Variants in SHROOM3 observed in about 807,000 individuals in gnomAD.
The protein encoded by SHROOM3 is shroom family member 3.
In SHROOM3, 47 loss-of-function variants were observed where a neutral mutation model predicts 138.6. That is an observed-to-expected ratio of 0.34 (90% CI 0.27 to 0.43). The LOEUF (loss-of-function observed/expected upper bound fraction) is 0.43. SHROOM3 is among the 20% of genes least tolerant of loss of function. SHROOM3 has a pLI of 1.00. For missense variants in SHROOM3, 2,491 were observed against 2,596.5 expected (o/e 0.96, Z 0.88); for synonymous variants, 1,062 against 1,063.3 (o/e 1.00, Z 0.02).
At chr4:76,540,128 G>A (rs111281703) in intron 1 of SHROOM3, among the ~76,000 whole-genome samples, 3,410 of 152,314 alleles carry the variant, frequency 0.022, 126 homozygotes, top group African/African-American at 0.076. Context: ...GATTACAGGC[G>A]TGAGCCACAG....
chr4:76,608,678 C>T (rs12512349), intron 2 of SHROOM3, among the ~76,000 whole-genome samples: 16,239 of 36,520 alleles, frequency 0.44, 2,134 homozygotes, highest in African/African-American at 0.49. Context: ...CAGCATAGCA[C>T]AGCACAGCAC....
intron 9 of SHROOM3, among the ~76,000 whole-genome samples, chr4:76,766,333 G>A (rs1041194130): frequency 6.6e-6 from 1 of 152,232 alleles, no homozygotes; most frequent in Non-Finnish European, 1.5e-5. Flanking sequence ...TGACTTGCCT[G>A]ATGCCGAATG....
chr4:76,601,076 C>A (rs1301178908), intron 2 of SHROOM3, among the ~76,000 whole-genome samples: 1 of 152,182 alleles, frequency 6.6e-6, no homozygotes, highest in Non-Finnish European at 1.5e-5. Flanking sequence ...CCATCCCATG[C>A]CTTTGAGAAG....
chr4:76,640,706 G>A (rs1349350620), intron 2 of SHROOM3, among the ~76,000 whole-genome samples: 2 of 152,174 alleles, frequency 1.3e-5, no homozygotes, highest in African/African-American at 4.8e-5. Context: ...TCTACAGATG[G>A]AGAATGGGAG....
In SHROOM3 at chr4:76,741,486, A is replaced by G; in HGVS notation, c.3313A>G (p.Ser1105Gly). 1.9e-6 allele frequency: 3 copies of G among 1,556,966 alleles called. No individual in the cohort carries two copies. The South Asian group carries it at 3.5e-5, about 18-fold the overall frequency. ...GCGGCCTACCTCCGCCGCCGGCTGC[A>G]GCCTCCAGGAGCCCGGGCCACTGCG... ...GKRPTSAAGC[S>G]LQEPGPLRER... Residue 1105 changes from serine (S) to glycine (G), a missense_variant, in exon 5 of 11, where the codon AGC (serine) becomes GGC (glycine). Transcript: ENST00000296043. The surrounding 1 kb of genome is among the most constrained non-coding windows in gnomAD (Gnocchi z 6.2).
intron 1 of SHROOM3, among the ~76,000 whole-genome samples, chr4:76,463,498 A>G (rs553188003): frequency 6.6e-6 from 1 of 152,278 alleles, no homozygotes; most frequent in East Asian, 1.9e-4. Context: ...AGAAAAACCC[A>G]TTTTCTGGGA....
rs529234857 is a variant in SHROOM3, at chr4:76,688,443, T to C, written c.324-21713T>C. The C allele has an allele frequency of 3.5e-5, 34 of 985,266 alleles. No individual in the cohort carries two copies. The South Asian group carries it at 1.4e-3, about 41-fold the overall frequency. The allele number at this position is 985,266 out of a possible 1,614,324, so 61.0% of individuals were successfully genotyped here. ...CCTAGTGAGGTCTTCTCTGTGTCTA[T>C]ATGCATATTTATTACCTTAAATATA... On this transcript the variant is annotated intron_variant, in intron 2 of 10. Coordinates refer to ENST00000296043, the MANE Select transcript of SHROOM3 (RefSeq NM_020859.4).
At chr4:76,437,436 C>G (rs901655670) in intron 1 of SHROOM3, among the ~76,000 whole-genome samples, 1 of 152,144 alleles carries the variant, frequency 6.6e-6, no homozygotes. Context: ...ATCAAGGACC[C>G]CACTTATCTC....
At chr4:76,696,917 TTTG>T (rs1560594471) in intron 2 of SHROOM3, among the ~76,000 whole-genome samples, 2 of 151,808 alleles carry the variant, frequency 1.3e-5, no homozygotes, top group African/African-American at 4.8e-5. Context: ...CCGAGAGGTT[TTTG>T]TTGTTGTTTT....
intron 2 of SHROOM3, among the ~76,000 whole-genome samples, chr4:76,655,601 C>T (rs189070290): frequency 3.3e-5 from 5 of 152,264 alleles, no homozygotes; most frequent in East Asian, 1.9e-4. Context: ...TTAACCTTTC[C>T]GTCTCCAAGT....
At chr4:76,660,664 C>T (rs1001259756) in intron 2 of SHROOM3, among the ~76,000 whole-genome samples, 11 of 151,938 alleles carry the variant, frequency 7.2e-5, no homozygotes, top group East Asian at 1.9e-4. Context: ...TTAGTAGAGA[C>T]GGGGTTTCAC....
chr4:76,481,480 A>C (rs149888718), intron 1 of SHROOM3, among the ~76,000 whole-genome samples: 5,211 of 152,134 alleles, frequency 0.034, 103 homozygotes, highest in Middle Eastern at 0.071. Flanking sequence ...AATTGAGGCA[A>C]TAATTAATAG....
At chr4:76,490,339 T>C (rs926802330) in intron 1 of SHROOM3, among the ~76,000 whole-genome samples, 5 of 152,194 alleles carry the variant, frequency 3.3e-5, no homozygotes, top group African/African-American at 1.2e-4. Flanking sequence ...TCTGATTTGT[T>C]GTGGACAGCC....
At chr4:76,693,374 T>G (rs1423370041) in intron 2 of SHROOM3, among the ~76,000 whole-genome samples, 4 of 121,848 alleles carry the variant, frequency 3.3e-5, no homozygotes, top group African/African-American at 7.2e-5. Flanking sequence ...AAGTTTGTTT[T>G]TTTTTTTTTT....
intron 1 of SHROOM3, among the ~76,000 whole-genome samples, chr4:76,455,662 A>G (rs1731012881): frequency 6.6e-6 from 1 of 152,182 alleles, no homozygotes; most frequent in Admixed American, 6.5e-5. Flanking sequence ...ATATATAGAA[A>G]AAGAGTTTAT....
chr4:76,740,965 C>T lies in SHROOM3; in HGVS notation c.2792C>T (p.Ala931Val). Reference protein sequence around the residue: ...SRAYRNSIKDAQSRVLGATSF... With the variant: ...SRAYRNSIKDVQSRVLGATSF... ...GCCTACCGGAACAGCATCAAGGACG[C>T]ACAGTCCCGTGTCTTGGGGGCCACC... Residue 931 changes from alanine (A) to valine (V), a missense_variant, in exon 5 of 11, where the codon GCA (alanine) becomes GTA (valine). Physicochemically the swap from Ala to Val is moderately conservative, Grantham distance 64 (BLOSUM62 0). Coordinates refer to ENST00000296043, the MANE Select transcript of SHROOM3 (RefSeq NM_020859.4). The surrounding 1 kb of genome is among the most constrained non-coding windows in gnomAD (Gnocchi z 4.0). The T allele has an allele frequency of 1.3e-6, 2 of 1,498,952 alleles. No homozygotes were observed. The highest frequency in any genetic ancestry group is 1.8e-6 in the Non-Finnish European group (2 of 1,128,080). 92.9% of individuals were successfully genotyped at this position (1,498,952 alleles called of 1,614,324 possible). A position where few individuals can be genotyped will look rare whatever the true frequency, so the allele number is the denominator to read the frequency against.
At chr4:76,479,412 C>G (rs1299177338) in intron 1 of SHROOM3, among the ~76,000 whole-genome samples, 1 of 151,528 alleles carries the variant, frequency 6.6e-6, no homozygotes, top group Non-Finnish European at 1.5e-5. Flanking sequence ...TGAAATAAAG[C>G]ATGAAGACAA....
rs1406049327 is a variant in SHROOM3, at chr4:76,740,267, C to T, written c.2094C>T (p.Asn698=). The part of the protein sequence containing the change: ...YPGGRPTCAV[N]TKAEDPGRKA... ...GGGGCAGGCCCACCTGTGCAGTCAA[C>T]ACCAAGGCAGAAGACCCTGGGAGGA... Residue 698 remains asparagine, a synonymous_variant, in exon 5 of 11, where the codon AAC becomes AAT. Transcript: ENST00000296043. The surrounding 1 kb of genome is among the most constrained non-coding windows in gnomAD (Gnocchi z 4.0). The T allele has an allele frequency of 2.5e-6, 4 of 1,613,250 alleles. No homozygotes were observed. Among genetic ancestry groups the T allele is most frequent in the Admixed American group, 1.7e-5 (1 of 60,036 alleles).
chr4:76,562,689 C>A (rs2110033566), intron 2 of SHROOM3, among the ~76,000 whole-genome samples: 1 of 152,306 alleles, frequency 6.6e-6, no homozygotes, highest in Middle Eastern at 3.4e-3. Flanking sequence ...CTCTCCACCC[C>A]CTCACCTGCC....
Sources: gnomAD v4.1 joint callset for allele counts (sites outside exome capture counted in the v4.1 genomes callset) on GRCh38, gnomAD v4.1.1 for gene constraint, Gnocchi (gnomAD v3.1) non-coding constraint, MANE v1.5 for transcripts, NCBI Gene and HGNC (gene_info 2026-07-23, HGNC 2026-07-21) for gene names.